Variants in CTBP2 observed in about 807,000 individuals in gnomAD.
The protein encoded by CTBP2 is C-terminal binding protein 2.
In CTBP2, 30 loss-of-function variants were observed where a neutral mutation model predicts 80.3. The observed-to-expected ratio is 0.37, with a 90% confidence interval of 0.28 to 0.51. CTBP2 has a LOEUF of 0.51. CTBP2 is among the 20% of genes least tolerant of loss of function. The pLI is 0.93. For synonymous variants in CTBP2, 594 were observed against 587.4 expected (o/e 1.01, Z -0.16); for missense variants, 1,212 against 1,375.3 (o/e 0.88, Z 1.88).
intron 2 of CTBP2, among the ~76,000 whole-genome samples, chr10:125,079,429 A>G (rs754770276): frequency 4.6e-5 from 7 of 152,332 alleles, no homozygotes; most frequent in South Asian, 2.1e-4. Context: ...TTCCAAACTT[A>G]AAATCTAGGG....
chr10:125,087,364 G>A (rs570710478), intron 2 of CTBP2, among the ~76,000 whole-genome samples: 1 of 152,146 alleles, frequency 6.6e-6, no homozygotes, highest in South Asian at 2.1e-4. Flanking sequence ...GAGCCACCGC[G>A]CCCAGCCAAG....
intron 1 of CTBP2, among the ~76,000 whole-genome samples, chr10:125,129,447 A>C (rs1340855998): frequency 1.3e-5 from 2 of 152,194 alleles, no homozygotes; most frequent in African/African-American, 4.8e-5. Flanking sequence ...AAGAAAAAAC[A>C]GAAAGAACCA....
chr10:125,087,604 C>T (rs543428074), intron 2 of CTBP2, among the ~76,000 whole-genome samples: 7 of 152,344 alleles, frequency 4.6e-5, no homozygotes, highest in African/African-American at 1.7e-4. Flanking sequence ...TCTCTCATCC[C>T]CCCACTTAGT....
chr10:125,153,597 C>A (rs567149571), intron 1 of CTBP2, among the ~76,000 whole-genome samples: 13 of 152,330 alleles, frequency 8.5e-5, no homozygotes, highest in Admixed American at 7.2e-4. Context: ...TCTCCACCCT[C>A]CCGCTGCCAC....
chr10:125,109,533 C>T (rs528904819), intron 2 of CTBP2, among the ~76,000 whole-genome samples: 14 of 152,248 alleles, frequency 9.2e-5, no homozygotes, highest in Non-Finnish European at 1.9e-4. Flanking sequence ...AATAAGGTTG[C>T]GAGTGGCGGT....
At chr10:125,158,172 G>A (rs1225418808) in intron 1 of CTBP2, among the ~76,000 whole-genome samples, 2 of 151,982 alleles carry the variant, frequency 1.3e-5, no homozygotes, top group Non-Finnish European at 2.9e-5. Context: ...AAAAAAAAGG[G>A]GGGGGTTAAA....
chr10:125,046,989 T>C (rs1961421921), intron 2 of CTBP2, among the ~76,000 whole-genome samples: 1 of 152,238 alleles, frequency 6.6e-6, no homozygotes, highest in Non-Finnish European at 1.5e-5. Context: ...TTTTCCTAAT[T>C]GGTTGTTTGA....
intron 1 of CTBP2, chr10:125,122,982 G>A (rs1371376400): frequency 2.0e-5 from 3 of 152,196 alleles, no homozygotes; most frequent in South Asian, 2.1e-4. Context: ...CCTCAAAGGC[G>A]GCAATGCTGT....
chr10:125,003,503 G>A lies in CTBP2; in HGVS notation c.1679-11C>T, dbSNP rs763702890. ...TCTGGGGGCGGATACCTGCCAGGAGGGAAGGGGTGAGCACAGTGGGTGGGT... is the reference window on the plus strand; with the variant it reads ...TCTGGGGGCGGATACCTGCCAGGAGAGAAGGGGTGAGCACAGTGGGTGGGT... On this transcript the variant is annotated splice_polypyrimidine_tract_variant and intron_variant, in intron 1 of 8. Coordinates refer to ENST00000309035, the MANE Select transcript of CTBP2 (RefSeq NM_022802.3). 6 of 1,549,208 alleles carry A rather than the reference G, an allele frequency of 3.9e-6. No individual in the cohort carries two copies. The highest frequency in any genetic ancestry group is 3.5e-4 in the Middle Eastern group (2 of 5,716).
At chr10:125,124,992 A>G (rs1195934810) in intron 1 of CTBP2, among the ~76,000 whole-genome samples, 1 of 152,180 alleles carries the variant, frequency 6.6e-6, no homozygotes, top group African/African-American at 2.4e-5. Flanking sequence ...GTACAGACGC[A>G]CGGCACTCAG....
chr10:125,092,549 T>C (rs1012799642), intron 2 of CTBP2, among the ~76,000 whole-genome samples: 3 of 152,158 alleles, frequency 2.0e-5, no homozygotes, highest in African/African-American at 7.2e-5. Context: ...TATCTAACCT[T>C]CTTCCCACCC....
At chr10:125,005,014 C>T (rs777004166) in intron 1 of CTBP2, among the ~76,000 whole-genome samples, 6 of 152,172 alleles carry the variant, frequency 3.9e-5, no homozygotes, top group Non-Finnish European at 8.8e-5. Flanking sequence ...TCCTGCTGGA[C>T]CACCAAGGCT....
rs546588437 is a variant in CTBP2, at chr10:125,141,397, G to A, written c.-206+18922C>T. Among the ~76,000 whole-genome samples, 4 of 152,246 alleles carry A rather than the reference G, an allele frequency of 2.6e-5. No homozygotes were observed. In the South Asian group the frequency reaches 8.3e-4, roughly 32 times the overall value. ...CTGCAAGCATGGCCATCTACCCTCG[G>A]GGCCGGCACCAGCCTCGGGGCAGCT... On this transcript the variant is annotated intron_variant, in intron 1 of 10. Transcript: ENST00000337195.
At chr10:125,130,532 C>G (rs902545579) in intron 1 of CTBP2, among the ~76,000 whole-genome samples, 6 of 152,234 alleles carry the variant, frequency 3.9e-5, no homozygotes, top group African/African-American at 1.4e-4. Flanking sequence ...ACTTCTCAAT[C>G]TGAAGTTGCG....
At chr10:125,141,391 C>T (rs1857788361) in intron 1 of CTBP2, among the ~76,000 whole-genome samples, 1 of 152,254 alleles carries the variant, frequency 6.6e-6, no homozygotes, top group East Asian at 1.9e-4. Context: ...TGGCCATCTA[C>T]CCTCGGGGCC....
chr10:125,131,923 C>T (rs1023168374), intron 1 of CTBP2, among the ~76,000 whole-genome samples: 13 of 152,170 alleles, frequency 8.5e-5, no homozygotes, highest in Admixed American at 8.5e-4. Flanking sequence ...CCGACAGATA[C>T]TTGAGGTGGT....
At chr10:125,123,098 A>T (rs1854606396) in intron 1 of CTBP2, among the ~76,000 whole-genome samples, 1 of 152,236 alleles carries the variant, frequency 6.6e-6, no homozygotes, top group African/African-American at 2.4e-5. Context: ...CGCCAACTCC[A>T]GAACTTTCTT....
At chr10:125,053,567 A>C (rs1963254204) in intron 2 of CTBP2, among the ~76,000 whole-genome samples, 2 of 152,152 alleles carry the variant, frequency 1.3e-5, no homozygotes, top group Non-Finnish European at 2.9e-5. Context: ...GGAAATCAAC[A>C]GGCTCAGCTC....
chr10:125,143,305 T>G (rs1356103085), intron 1 of CTBP2, among the ~76,000 whole-genome samples: 2 of 152,064 alleles, frequency 1.3e-5, no homozygotes, highest in Non-Finnish European at 2.9e-5. Flanking sequence ...CTGACCAACA[T>G]GGTGAAAACC....
Sources: gnomAD v4.1 joint callset for allele counts (sites outside exome capture counted in the v4.1 genomes callset) on GRCh38, gnomAD v4.1.1 for gene constraint, MANE v1.5 for transcripts, NCBI Gene and HGNC (gene_info 2026-07-23, HGNC 2026-07-21) for gene names.